Variants in LRRC4B observed in about 807,000 individuals in gnomAD.
LRRC4B encodes the protein leucine rich repeat containing 4B.
LRRC4B carries 1 observed loss-of-function variant against 7.3 expected under a neutral mutation model. The observed-to-expected ratio is 0.14, with a 90% confidence interval of 0.05 to 0.65. The LOEUF (loss-of-function observed/expected upper bound fraction) is 0.65, where lower values mean the gene tolerates loss of function less well. Ranked by LOEUF, LRRC4B falls within the 30% of genes least tolerant of loss-of-function variation. LRRC4B has a pLI of 0.84. For missense variants in LRRC4B, 730 were observed against 1,041.6 expected, an observed-to-expected ratio of 0.70 and a Z score of 4.12; for synonymous variants, 500 against 499.2, an observed-to-expected ratio of 1.00 and a Z score of -0.02.
rs185294316 is a variant in LRRC4B, at chr19:50,520,390, G to A, written c.298-975C>T. Reference sequence around the variant, plus strand: ...AATGCCTGTAATGCCAGCACTTTGGGAGGCTGCAGTGGGTGGATCACCTGA... The same window carrying A: ...AATGCCTGTAATGCCAGCACTTTGGAAGGCTGCAGTGGGTGGATCACCTGA... On this transcript the variant is annotated intron_variant, in intron 2 of 2. Coordinates refer to ENST00000652263, the MANE Select transcript of LRRC4B (RefSeq NM_001080457.2). Among the ~76,000 whole-genome samples the A allele has an allele frequency of 1.4e-3, 209 of 152,180 alleles. 1 individual carries two copies. The highest frequency in any genetic ancestry group is 4.7e-3 in the African/African-American group (197 of 41,546).
rs971523480 is a variant in LRRC4B at position 50,537,443 on chromosome 19, C to T, written c.297+11099G>A. On this transcript the variant is annotated intron_variant, in intron 2 of 2. Transcript: ENST00000652263. This position sits in a 1 kb window ranked among gnomAD's most constrained non-coding sequence, Gnocchi z 5.5. ...AGAAATAATTGGTCTATTTTCTAGA[C>T]GAGAAGGCAGGCTCAGAGAGGTGAC... Among the ~76,000 whole-genome samples, 12 of 152,130 alleles carry T rather than the reference C, an allele frequency of 7.9e-5. No individual in the cohort carries two copies. The highest frequency in any genetic ancestry group is 1.7e-4 in the African/African-American group (7 of 41,428).
At chr19:50,530,937 G>A (rs956814968) in intron 2 of LRRC4B, among the ~76,000 whole-genome samples, 1 of 150,124 alleles carries the variant, frequency 6.7e-6, no homozygotes, top group Non-Finnish European at 1.5e-5. Flanking sequence ...CTGGGGGGGG[G>A]GGGTCTCTCT....
rs1227439051 is a variant in LRRC4B at position 50,552,720 on chromosome 19, C to T, written c.-35-3847G>A. Among the ~76,000 whole-genome samples, 14 of 151,744 alleles carry T rather than the reference C, an allele frequency of 9.2e-5. No individual in the cohort carries two copies. The South Asian group carries it at 2.1e-3, about 23-fold the overall frequency. ...TCCATCCGCCCATCCGTCCATCCGT[C>T]TATCCATCCGTCCTTCCATCCCTCC... On this transcript the variant is annotated intron_variant, in intron 1 of 2. Transcript: ENST00000652263.
intron 1 of LRRC4B, among the ~76,000 whole-genome samples, chr19:50,564,147 G>GGAGAGTGGGTGCCCGGCCAGA (rs1982553877): frequency 6.6e-6 from 1 of 152,158 alleles, no homozygotes; most frequent in Non-Finnish European, 1.5e-5. Flanking sequence ...TGGTTAGAGG[G>GGAGAGTGGGTGCCCGGCCAGA]GAGAGTGGGG....
intron 2 of LRRC4B, among the ~76,000 whole-genome samples, chr19:50,534,811 G>A (rs200968091): frequency 1.3e-5 from 2 of 152,196 alleles, no homozygotes; most frequent in Admixed American, 6.5e-5. Flanking sequence ...TATTAAAAAT[G>A]TAACTGTGGT....
intron 2 of LRRC4B, among the ~76,000 whole-genome samples, chr19:50,541,682 G>A (rs926628426): frequency 1.3e-5 from 2 of 152,178 alleles, no homozygotes; most frequent in Non-Finnish European, 2.9e-5. Flanking sequence ...GGCCCCAGGA[G>A]GGACCCAGAG....
At chr19:50,536,511 T>C (rs1351739288) in intron 2 of LRRC4B, among the ~76,000 whole-genome samples, 2 of 152,190 alleles carry the variant, frequency 1.3e-5, no homozygotes, top group African/African-American at 4.8e-5. Context: ...TCCTGCTCTC[T>C]GGGCCTCGGG....
At chr19:50,565,794 C>T (rs1375871987) in intron 1 of LRRC4B, among the ~76,000 whole-genome samples, 9 of 152,082 alleles carry the variant, frequency 5.9e-5, no homozygotes, top group Non-Finnish European at 1.0e-4. Flanking sequence ...GCCTCACCCG[C>T]GTGTCTGCTC....
intron 1 of LRRC4B, among the ~76,000 whole-genome samples, chr19:50,567,210 A>C (rs1041900224): frequency 6.6e-6 from 1 of 151,226 alleles, no homozygotes; most frequent in Admixed American, 6.6e-5. Flanking sequence ...TCCTGGAGAG[A>C]CACGTGCCCA....
chr19:50,530,863 A>T (rs1336007401), intron 2 of LRRC4B, among the ~76,000 whole-genome samples: 1 of 147,530 alleles, frequency 6.8e-6, no homozygotes, highest in African/African-American at 2.5e-5. Context: ...CAGCCTCCCA[A>T]GTAGCTGGGA....
Position 50,519,117 on chromosome 19 carries a change from G to C in LRRC4B, c.596C>G (p.Ser199Trp). 6.2e-7 allele frequency: 1 copy of C among 1,611,640 alleles called. No homozygotes were observed. The highest frequency in any genetic ancestry group is 8.5e-7 in the Non-Finnish European group (1 of 1,179,988). Residue 199 changes from serine to tryptophan, a missense_variant, in exon 3 of 3, where the codon TCG becomes TGG. By Grantham distance (177) the Ser-to-Trp change is radical (BLOSUM62 -3). This residue lies in a region of LRRC4B where 226 missense variants were observed against 448.0 expected (regional missense o/e 0.50). Coordinates refer to ENST00000652263, the MANE Select transcript of LRRC4B (RefSeq NM_001080457.2). This position sits in a 1 kb window ranked among gnomAD's most constrained non-coding sequence, Gnocchi z 8.1. ...GACCAGCCCCTCGAAGGCCGCCTCC[G>C]AGATGTATTCCAGCCGCTTGAGCTC... ...LGELKRLEYI[S>W]EAAFEGLVNL...
intron 1 of LRRC4B, among the ~76,000 whole-genome samples, chr19:50,561,038 C>T (rs1982445188): frequency 6.6e-6 from 1 of 151,992 alleles, no homozygotes. Context: ...TTGCAGTGAG[C>T]GAAGATAGCA....
chr19:50,517,775 C>A lies in LRRC4B; in HGVS notation c.1938G>T (p.Gly646=), dbSNP rs1411892528. 24 of 1,525,054 alleles carry A rather than the reference C, an allele frequency of 1.6e-5. No individual in the cohort carries two copies. The highest frequency in any genetic ancestry group is 2.1e-5 in the Non-Finnish European group (24 of 1,141,874). The allele number at this position is 1,525,054 out of a possible 1,614,324, so 94.5% of individuals were successfully genotyped here. Residue 646 remains glycine, a synonymous_variant, in exon 3 of 3, where the codon GGG becomes GGT. Transcript: ENST00000652263. The surrounding 1 kb of genome is among the most constrained non-coding windows in gnomAD (Gnocchi z 6.6). ...GGGCGGGCAGGGCCAGGTGGCTGTC[C>A]CCGCCCACACCACCCCCACTGGCCA... ...AAVASGGGVG[G]DSHLALPALE... is the part of the protein sequence containing the mutation.
chr19:50,550,461 ACCCCCC>A (rs1982006726), intron 1 of LRRC4B, among the ~76,000 whole-genome samples: 2 of 71,032 alleles, frequency 2.8e-5, no homozygotes, highest in African/African-American at 1.1e-4. Context: ...GACTCTCAGG[ACCCCCC>A]TCTCACGGTG....
chr19:50,548,548 G>T lies in LRRC4B; in HGVS notation c.291C>A (p.Gly97=). ...GCCCGCTGGCCCCGCATACCTGGATGCCGTTCTCTTGCAGGTTCAGGTACC... is the reference window on the plus strand; with the variant it reads ...GCCCGCTGGCCCCGCATACCTGGATTCCGTTCTCTTGCAGGTTCAGGTACC... The part of the protein sequence containing the change: ...NTRYLNLQEN[G]IQVIRTDTFK... Residue 97 remains glycine, a synonymous_variant, in exon 2 of 3, where the codon GGC becomes GGA. Coordinates refer to ENST00000652263, the MANE Select transcript of LRRC4B (RefSeq NM_001080457.2). This position sits in a 1 kb window ranked among gnomAD's most constrained non-coding sequence, Gnocchi z 6.8. 6.3e-7 allele frequency: 1 copy of T among 1,595,842 alleles called. No individual in the cohort carries two copies.
intron 2 of LRRC4B, among the ~76,000 whole-genome samples, chr19:50,545,069 A>ACG (rs1981739529): frequency 6.7e-6 from 1 of 150,098 alleles, no homozygotes; most frequent in Non-Finnish European, 1.5e-5. Flanking sequence ...CCAAGATCGT[A>ACG]CCACTGCACT....
At chr19:50,527,478 A>G (rs1980863506) in intron 2 of LRRC4B, among the ~76,000 whole-genome samples, 1 of 149,430 alleles carries the variant, frequency 6.7e-6, no homozygotes, top group Non-Finnish European at 1.5e-5. Flanking sequence ...TGAGCCATTC[A>G]TTGTGGCTTG....
At chr19:50,557,355 G>A (rs1250113281) in intron 1 of LRRC4B, among the ~76,000 whole-genome samples, 2 of 152,148 alleles carry the variant, frequency 1.3e-5, no homozygotes, top group African/African-American at 2.4e-5. Context: ...GCGGTGCCTC[G>A]CTCTGGTCAC....
intron 2 of LRRC4B, among the ~76,000 whole-genome samples, chr19:50,521,138 C>T (rs763544861): frequency 6.6e-5 from 10 of 152,146 alleles, no homozygotes; most frequent in Non-Finnish European, 8.8e-5. Flanking sequence ...CTACTGATGA[C>T]CCTCTGGATG....
Sources: gnomAD v4.1 joint callset for allele counts (sites outside exome capture counted in the v4.1 genomes callset) on GRCh38, gnomAD v4.1.1 for gene constraint, gnomAD v4.1.1 regional missense constraint, Gnocchi (gnomAD v3.1) non-coding constraint, MANE v1.5 for transcripts, NCBI Gene and HGNC (gene_info 2026-07-23, HGNC 2026-07-21) for gene names.